RGS3: variants seen among roughly 807,000 people sequenced by gnomAD.
RGS3 encodes regulator of G-protein signalling 3.
Under a neutral mutation model 132.6 loss-of-function variants are expected in RGS3, and 80 were observed. The ratio of observed to expected loss-of-function variants is 0.60; its 90% confidence interval spans 0.50 to 0.73. The LOEUF (loss-of-function observed/expected upper bound fraction) is 0.73. RGS3 is among the 30% of genes least tolerant of loss of function. The pLI, the probability that RGS3 is intolerant of heterozygous loss-of-function variation, is 0.00. For missense variants in RGS3, 1,382 were observed against 1,530.8 expected (o/e 0.90, Z 1.62); for synonymous variants, 598 against 620.6 (o/e 0.96, Z 0.54).
Position 113,591,308 on chromosome 9 carries a change from C to CA in RGS3, c.3016-24dup, listed in dbSNP as rs1835410118. Reference sequence around the variant, plus strand: ...CAGGAGTTCCTGGGTGCCCAGACTGCATCGTGTCTGTCTTCTCTCCGCAGA... The same window carrying CA: ...CAGGAGTTCCTGGGTGCCCAGACTGCAATCGTGTCTGTCTTCTCTCCGCAGA... On this transcript the variant is annotated intron_variant, in intron 20 of 24. Coordinates refer to ENST00000350696, the Ensembl canonical transcript of RGS3. This position sits in a 1 kb window ranked among gnomAD's most constrained non-coding sequence, Gnocchi z 4.4. 1 of 1,609,378 alleles carries CA rather than the reference C, an allele frequency of 6.2e-7. No individual in the cohort carries two copies. The highest frequency in any genetic ancestry group is 8.5e-7 in the Non-Finnish European group (1 of 1,176,538).
intron 16 of RGS3, among the ~76,000 whole-genome samples, chr9:113,518,678 C>T (rs549666715): frequency 3.9e-5 from 6 of 152,248 alleles, no homozygotes; most frequent in South Asian, 2.1e-4. Flanking sequence ...TCCCTTCCAC[C>T]GCTCGCTGTT....
In RGS3 at chr9:113,463,600, C is replaced by G; in HGVS notation, c.415+1399C>G. 1 of 1,070,386 alleles carries G rather than the reference C, an allele frequency of 9.3e-7. No individual in the cohort carries two copies. Among genetic ancestry groups the G allele is most frequent in the Non-Finnish European group, 1.2e-6 (1 of 812,580 alleles). The allele number at this position is 1,070,386 out of a possible 1,614,324, so 66.3% of individuals were successfully genotyped here. On this transcript the variant is annotated intron_variant, in intron 3 of 24. Transcript: ENST00000350696. The surrounding 1 kb of genome is among the most constrained non-coding windows in gnomAD (Gnocchi z 4.6). Reference sequence around the variant, plus strand: ...GGCGGCGCCGCCTCCCCCACCCCGGCCCAGCTCTGCTCCGGCAGGTGGAAC... The same window carrying G: ...GGCGGCGCCGCCTCCCCCACCCCGGGCCAGCTCTGCTCCGGCAGGTGGAAC...
At chr9:113,491,220 A>G (rs1830510759) in intron 7 of RGS3, among the ~76,000 whole-genome samples, 1 of 147,656 alleles carries the variant, frequency 6.8e-6, no homozygotes. Context: ...ATATGTAATT[A>G]AAGAATGTTA....
At chr9:113,487,400 C>A (rs529966758) in intron 7 of RGS3, among the ~76,000 whole-genome samples, 1 of 152,260 alleles carries the variant, frequency 6.6e-6, no homozygotes, top group East Asian at 1.9e-4. Context: ...CGTGAGCCAC[C>A]GCGCCCGGCC....
intron 19 of RGS3, among the ~76,000 whole-genome samples, chr9:113,538,617 T>C (rs1244431295): frequency 6.6e-6 from 1 of 152,150 alleles, no homozygotes; most frequent in African/African-American, 2.4e-5. Context: ...CAGGTTGTGG[T>C]CCCTGTAGGG....
At chr9:113,583,571 A>G (rs779253172) in exon 20 of RGS3, 1 of 1,614,158 alleles carries the variant, frequency 6.2e-7, no homozygotes, top group South Asian at 1.1e-5. Context: ...CCTCCAGGAC[A>G]AGACCTTCCA....
chr9:113,591,601 G>T lies in RGS3; in HGVS notation c.3080+204G>T, dbSNP rs1835433215. On this transcript the variant is annotated intron_variant, in intron 21 of 24. Transcript: ENST00000350696. This position sits in a 1 kb window ranked among gnomAD's most constrained non-coding sequence, Gnocchi z 4.4. ...CCTGGGTCCTGAGCATTCTCTCCAA[G>T]TGAGGCAAAGTGCTGATTCAGTACC... is the stretch of plus-strand genomic sequence containing the variant. 1 of 561,230 alleles carries T rather than the reference G, an allele frequency of 1.8e-6. No individual in the cohort carries two copies. The highest frequency in any genetic ancestry group is 3.2e-6 in the Non-Finnish European group (1 of 311,074). 34.8% of individuals were successfully genotyped at this position (561,230 alleles called of 1,614,324 possible).
At chr9:113,515,679 T>G (rs1030261311) in intron 15 of RGS3, among the ~76,000 whole-genome samples, 3 of 152,156 alleles carry the variant, frequency 2.0e-5, no homozygotes, top group Admixed American at 2.0e-4. Flanking sequence ...ATTTATTCCA[T>G]CACCCAGATA....
chr9:113,568,934 A>G (rs1834130011), intron 19 of RGS3, among the ~76,000 whole-genome samples: 1 of 152,234 alleles, frequency 6.6e-6, no homozygotes. Context: ...TTGGGAGATC[A>G]GAGCTTCCGG....
At position 113,523,589 on chromosome 9, in the gene RGS3, G is replaced by A. The variant is rs532780385; in HGVS notation, c.1870+548G>A. The stretch of plus-strand genomic sequence containing the variant: ...TGCATGGCCCTGCGGAGCCCAAGCC[G>A]CTGGGGCTCAGGCACATGTGGGAGC... On this transcript the variant is annotated intron_variant, in intron 17 of 24. Coordinates refer to ENST00000350696, the Ensembl canonical transcript of RGS3. Among the ~76,000 whole-genome samples, 254 of 152,272 alleles carry A rather than the reference G, an allele frequency of 1.7e-3. 2 individuals are homozygous for A. Among genetic ancestry groups the A allele is most frequent in the African/African-American group, 5.5e-3 (230 of 41,550 alleles).
intron 7 of RGS3, among the ~76,000 whole-genome samples, chr9:113,487,140 T>C (rs1012214041): frequency 6.8e-5 from 10 of 147,392 alleles, no homozygotes; most frequent in African/African-American, 2.5e-4. Flanking sequence ...AGTCTCGCTC[T>C]GTCGCCCAGG....
chr9:113,461,158 G>A (rs1474196415), intron 1 of RGS3, among the ~76,000 whole-genome samples: 1 of 152,112 alleles, frequency 6.6e-6, no homozygotes, highest in East Asian at 1.9e-4. Flanking sequence ...TGAGGTATGT[G>A]TATGTATGTG....
chr9:113,525,370 C>A (rs1336698610), intron 17 of RGS3, among the ~76,000 whole-genome samples: 1 of 152,146 alleles, frequency 6.6e-6, no homozygotes, highest in East Asian at 1.9e-4. Flanking sequence ...AGTTTAGTGA[C>A]CCCTTCTCCT....
At chr9:113,471,533 G>A (rs920434748) in intron 3 of RGS3, among the ~76,000 whole-genome samples, 4 of 152,084 alleles carry the variant, frequency 2.6e-5, no homozygotes, top group African/African-American at 9.7e-5. Context: ...AGAAATGGAA[G>A]TCCCCTACAT....
At chr9:113,513,982 G>A (rs1452650829) in intron 14 of RGS3, among the ~76,000 whole-genome samples, 1 of 152,184 alleles carries the variant, frequency 6.6e-6, no homozygotes, top group African/African-American at 2.4e-5. Context: ...GAATGGTGTG[G>A]GGGTCTGTTA....
At chr9:113,501,351 T>G (rs1830882948) in intron 10 of RGS3, 2 of 1,245,518 alleles carry the variant, frequency 1.6e-6, no homozygotes, top group South Asian at 1.8e-5. Context: ...TATAAAACTC[T>G]CCCTCTTCCT....
rs996683192 is a variant in RGS3, at chr9:113,568,032, C to T, written c.2038-15418C>T. Among the ~76,000 whole-genome samples, 6 of 152,206 alleles carry T rather than the reference C, an allele frequency of 3.9e-5. No individual in the cohort carries two copies. In the East Asian group the frequency reaches 7.7e-4, roughly 20 times the overall value. On this transcript the variant is annotated intron_variant, in intron 19 of 24. Transcript: ENST00000350696. ...TATTAGGTTGGTGTAAAAGCAACTG[C>T]GGTTTTTGCCATTAAGAGTAATGTA...
At chr9:113,526,193 T>C (rs7855325) in intron 17 of RGS3, among the ~76,000 whole-genome samples, 18,142 of 152,214 alleles carry the variant, frequency 0.12, 1,298 homozygotes, top group African/African-American at 0.19. Flanking sequence ...TGGAAATGTT[T>C]TGCTGATTAT....
At chr9:113,464,339 G>A (rs1323132589) in intron 3 of RGS3, among the ~76,000 whole-genome samples, 1 of 152,184 alleles carries the variant, frequency 6.6e-6, no homozygotes, top group African/African-American at 2.4e-5. Flanking sequence ...GACTTTGTTG[G>A]GTATCTGAGC....
Sources: gnomAD v4.1 joint callset for allele counts (sites outside exome capture counted in the v4.1 genomes callset) on GRCh38, gnomAD v4.1.1 for gene constraint, Gnocchi (gnomAD v3.1) non-coding constraint, MANE v1.5 for transcripts, NCBI Gene and HGNC (gene_info 2026-07-23, HGNC 2026-07-21) for gene names.